The following SLC24A3 variants were observed in gnomAD, a reference collection of about 807,000 sequenced individuals.
SLC24A3 encodes the protein solute carrier family 24 member 3.
SLC24A3 carries 28 observed loss-of-function variants against 75.8 expected under a neutral mutation model. That is an observed-to-expected ratio of 0.37 (90% CI 0.27 to 0.51). The LOEUF is 0.51. Ranked by LOEUF, SLC24A3 falls within the 20% of genes least tolerant of loss-of-function variation. SLC24A3 has a pLI of 0.94. For synonymous variants in SLC24A3, 372 were observed against 334.1 expected, an observed-to-expected ratio of 1.11 and a Z score of -1.24; for missense variants, 663 against 847.8, an observed-to-expected ratio of 0.78 and a Z score of 2.71.
intron 2 of SLC24A3, among the ~76,000 whole-genome samples, chr20:19,477,471 G>A (rs1462791000): frequency 6.6e-6 from 1 of 152,228 alleles, no homozygotes; most frequent in South Asian, 2.1e-4. Flanking sequence ...GATTTTAATA[G>A]CAGATAAAGT....
intron 2 of SLC24A3, among the ~76,000 whole-genome samples, chr20:19,466,982 C>T (rs1377706618): frequency 6.6e-6 from 1 of 152,190 alleles, no homozygotes; most frequent in Admixed American, 6.5e-5. Flanking sequence ...TTAGGGGATA[C>T]AGGCACTAGG....
At chr20:19,464,510 T>C (rs1442570598) in intron 2 of SLC24A3, among the ~76,000 whole-genome samples, 1 of 152,236 alleles carries the variant, frequency 6.6e-6, no homozygotes, top group Non-Finnish European at 1.5e-5. Flanking sequence ...GGGTAAGGAA[T>C]GATCACATAA....
intron 15 of SLC24A3, among the ~76,000 whole-genome samples, chr20:19,716,556 A>G (rs1388426849): frequency 6.6e-6 from 1 of 152,032 alleles, no homozygotes; most frequent in Non-Finnish European, 1.5e-5. Context: ...GCTATTCTAT[A>G]GAAACTCCAA....
chr20:19,651,870 A>G (rs1391155298), intron 6 of SLC24A3, among the ~76,000 whole-genome samples: 2 of 151,850 alleles, frequency 1.3e-5, no homozygotes, highest in Non-Finnish European at 2.9e-5. Context: ...CAAAAAAAAA[A>G]AAAAAAATCC....
intron 1 of SLC24A3, chr20:19,242,400 T>C (rs1488215147): frequency 1.3e-5 from 2 of 152,138 alleles, no homozygotes; most frequent in African/African-American, 4.8e-5. Flanking sequence ...CCCATATAGA[T>C]TGAGGTTTGG....
intron 3 of SLC24A3, among the ~76,000 whole-genome samples, chr20:19,518,291 T>C (rs1187617276): frequency 6.6e-6 from 1 of 152,070 alleles, no homozygotes; most frequent in East Asian, 1.9e-4. Flanking sequence ...CCCTGCAGAG[T>C]AGTGCTGGGC....
intron 2 of SLC24A3, among the ~76,000 whole-genome samples, chr20:19,455,261 G>GA (rs1987558982): frequency 6.6e-6 from 1 of 152,144 alleles, no homozygotes; most frequent in African/African-American, 2.4e-5. Context: ...TTTTTCCATA[G>GA]ACCCTGATAT....
intron 7 of SLC24A3, among the ~76,000 whole-genome samples, chr20:19,659,051 T>G (rs1392478981): frequency 6.6e-6 from 1 of 152,228 alleles, no homozygotes; most frequent in Non-Finnish European, 1.5e-5. Flanking sequence ...TTACCTTTCG[T>G]CTCTGCTGGA....
At chr20:19,472,918 G>C (rs1054820679) in intron 2 of SLC24A3, among the ~76,000 whole-genome samples, 5 of 152,248 alleles carry the variant, frequency 3.3e-5, no homozygotes, top group African/African-American at 7.2e-5. Flanking sequence ...GGTGGGAGCT[G>C]CTTGTAAGAA....
chr20:19,537,960 TG>T (rs1244726584), intron 3 of SLC24A3, among the ~76,000 whole-genome samples: 3 of 151,738 alleles, frequency 2.0e-5, no homozygotes, highest in Admixed American at 2.0e-4. Flanking sequence ...CACACCAACA[TG>T]GCACATGTAT....
chr20:19,365,114 A>C (rs1985864507), intron 2 of SLC24A3, among the ~76,000 whole-genome samples: 1 of 152,102 alleles, frequency 6.6e-6, no homozygotes, highest in African/African-American at 2.4e-5. Flanking sequence ...GAGGCCTTGC[A>C]CTTTGTACCG....
At chr20:19,648,452 G>GTTT (rs538570138) in intron 6 of SLC24A3, among the ~76,000 whole-genome samples, 4 of 146,802 alleles carry the variant, frequency 2.7e-5, no homozygotes, top group Non-Finnish European at 4.5e-5. Context: ...TGCTTCAACA[G>GTTT]TTTTTTTTTT....
intron 6 of SLC24A3, among the ~76,000 whole-genome samples, chr20:19,637,805 A>G (rs2032019225): frequency 6.6e-6 from 1 of 152,204 alleles, no homozygotes; most frequent in Non-Finnish European, 1.5e-5. Context: ...GTTCTACCTA[A>G]TATGGAATCG....
intron 3 of SLC24A3, among the ~76,000 whole-genome samples, chr20:19,571,532 G>T (rs1224512205): frequency 6.6e-6 from 1 of 152,174 alleles, no homozygotes; most frequent in Non-Finnish European, 1.5e-5. Flanking sequence ...TTTCTCCAGA[G>T]ATGGCAAATC....
chr20:19,438,563 C>A (rs1211870407), intron 2 of SLC24A3, among the ~76,000 whole-genome samples: 2 of 151,972 alleles, frequency 1.3e-5, no homozygotes, highest in African/African-American at 4.8e-5. Flanking sequence ...TTGGTCTCTG[C>A]ACCTAGCACC....
At chr20:19,271,936 C>G (rs1983342613) in intron 1 of SLC24A3, among the ~76,000 whole-genome samples, 1 of 152,164 alleles carries the variant, frequency 6.6e-6, no homozygotes, top group Admixed American at 6.5e-5. Context: ...AAAATCTTAT[C>G]CATGTAACCA....
rs190960937 is a variant in SLC24A3, at chr20:19,281,145, G to T, written c.271+58G>T. 71 of 1,595,938 alleles carry T rather than the reference G, an allele frequency of 4.4e-5. No individual in the cohort carries two copies. In the East Asian group the frequency reaches 1.5e-3, roughly 33 times the overall value. The stretch of plus-strand genomic sequence containing the variant: ...GTCATTTTCTCTGGCTATGGCTGAG[G>T]AAGAGCCAGCTGCTGTGTGTTTTCT... On this transcript the variant is annotated intron_variant, in intron 2 of 16. Coordinates refer to ENST00000328041, the MANE Select transcript of SLC24A3 (RefSeq NM_020689.4).
intron 2 of SLC24A3, among the ~76,000 whole-genome samples, chr20:19,318,471 C>T (rs962287441): frequency 6.6e-6 from 1 of 152,200 alleles, no homozygotes; most frequent in African/African-American, 2.4e-5. Context: ...TGTGCTACCT[C>T]CTCATCCCTA....
chr20:19,603,199 C>T (rs1175168147), intron 6 of SLC24A3, among the ~76,000 whole-genome samples: 2 of 152,168 alleles, frequency 1.3e-5, no homozygotes. Flanking sequence ...TTGGACCTGA[C>T]TCAGGAATTC....
Sources: gnomAD v4.1 joint callset for allele counts (sites outside exome capture counted in the v4.1 genomes callset) on GRCh38, gnomAD v4.1.1 for gene constraint, MANE v1.5 for transcripts, NCBI Gene and HGNC (gene_info 2026-07-23, HGNC 2026-07-21) for gene names.